The following ZNF215 variants were observed in gnomAD, a reference collection of about 807,000 sequenced individuals.
ZNF215 encodes the protein zinc finger protein 215.
Under a neutral mutation model 27.2 loss-of-function variants are expected in ZNF215, and 24 were observed. The observed-to-expected ratio is 0.88, with a 90% CI of 0.64 to 1.24. ZNF215 has a LOEUF of 1.24. ZNF215 is among the 50% of genes most tolerant of loss of function. The pLI is 0.00. For missense variants in ZNF215, 675 were observed against 605.7 expected, an observed-to-expected ratio of 1.11 and a Z score of -1.20; for synonymous variants, 210 against 204.0, an observed-to-expected ratio of 1.03 and a Z score of -0.25.
intron 6 of ZNF215, among the ~76,000 whole-genome samples, chr11:6,950,835 T>C (rs1850026004): frequency 6.7e-6 from 1 of 149,686 alleles, no homozygotes; most frequent in East Asian, 1.9e-4. Flanking sequence ...ATGCTTCCAG[T>C]TTTTGTCCAT....
At chr11:6,982,745 C>G (rs936305661) in intron 5 of ZNF215, among the ~76,000 whole-genome samples, 3 of 151,828 alleles carry the variant, frequency 2.0e-5, no homozygotes, top group Non-Finnish European at 4.4e-5. Context: ...ATCTCTGGGA[C>G]ACATTCAAAG....
downstream of ZNF215, among the ~76,000 whole-genome samples, chr11:6,993,531 CACTT>C (rs541706871): frequency 3.3e-3 from 505 of 152,244 alleles, 5 homozygotes; most frequent in African/African-American, 0.011. Flanking sequence ...TACCCCCTCT[CACTT>C]ACCCTTCCAT....
At chr11:6,985,996 A>G (rs1851049479), downstream of ZNF215, among the ~76,000 whole-genome samples, 2 of 152,266 alleles carry the variant, frequency 1.3e-5, no homozygotes, top group African/African-American at 4.8e-5. Context: ...TAAACTATCA[A>G]CATAATTTTT....
At chr11:6,936,707 C>T (rs10839661) in intron 3 of ZNF215, among the ~76,000 whole-genome samples, 49,551 of 151,664 alleles carry the variant, frequency 0.33, 9,449 homozygotes, top group East Asian at 0.56. Context: ...AATCCAATAG[C>T]GTTTTAAGAG....
chr11:6,932,246 ACTACTGTGGGAGTTCTAT>A lies in ZNF215; in HGVS notation c.-26_-9del. 1.9e-6 allele frequency: 3 copies of A among 1,600,312 alleles called. No individual in the cohort carries two copies. In the South Asian group the frequency reaches 3.4e-5, roughly 18 times the overall value. On this transcript the variant is annotated 5_prime_UTR_variant, in exon 3 of 7. Coordinates refer to ENST00000278319, the MANE Select transcript of ZNF215 (RefSeq NM_013250.4). ...CTGCAATCTAGTAAGGCGGATTTGA[ACTACTGTGGGAGTTCTAT>A]TTAGGAAGATGCAGCCTCTGAGCAA...
intron 3 of ZNF215, among the ~76,000 whole-genome samples, chr11:6,935,467 A>G (rs1849401106): frequency 6.6e-6 from 1 of 152,218 alleles, no homozygotes; most frequent in Non-Finnish European, 1.5e-5. Flanking sequence ...AGCTGAGGGA[A>G]CAGATTCATG....
intron 3 of ZNF215, among the ~76,000 whole-genome samples, chr11:6,934,197 G>A (rs553075890): frequency 6.6e-6 from 1 of 152,294 alleles, no homozygotes; most frequent in South Asian, 2.1e-4. Context: ...AACCAGAAAA[G>A]ATTGGTATCT....
chr11:6,974,265 G>T (rs1159391482), intron 5 of ZNF215, among the ~76,000 whole-genome samples: 2 of 151,998 alleles, frequency 1.3e-5, no homozygotes, highest in East Asian at 3.9e-4. Flanking sequence ...TCCCTGTTTT[G>T]GTACCAGTAC....
Position 6,970,204 on chromosome 11 carries a change from C to G in ZNF215, c.806-13925C>G, listed in dbSNP as rs139076368. 9.7e-4 allele frequency among the ~76,000 whole-genome samples: 147 copies of G among 152,246 alleles called. 2 individuals carry two copies. The highest frequency in any genetic ancestry group is 9.4e-3 in the Admixed American group (143 of 15,288). On this transcript the variant is annotated intron_variant, in intron 5 of 5. Transcript: ENST00000529903. ...GAAAAACATGGAAATACGAATAATA[C>G]AAGATGCTGATAACACTACAAAATG...
At chr11:6,992,950 C>T (rs957527297), downstream of ZNF215, among the ~76,000 whole-genome samples, 8 of 152,156 alleles carry the variant, frequency 5.3e-5, no homozygotes, top group African/African-American at 1.9e-4. Context: ...GTAATGCTTG[C>T]AAGGATAAAC....
intron 5 of ZNF215, among the ~76,000 whole-genome samples, chr11:6,979,450 T>C (rs1850904240): frequency 6.6e-6 from 1 of 152,088 alleles, no homozygotes; most frequent in Non-Finnish European, 1.5e-5. Flanking sequence ...CACTGCGTTT[T>C]TTCTGTTACT....
downstream of ZNF215, among the ~76,000 whole-genome samples, chr11:6,959,248 G>A (rs922068286): frequency 6.6e-6 from 1 of 152,130 alleles, no homozygotes; most frequent in East Asian, 1.9e-4. Flanking sequence ...AGGGATGAGG[G>A]CATGGCAAGT....
At chr11:6,976,052 AT>A (rs1850828375) in intron 5 of ZNF215, among the ~76,000 whole-genome samples, 1 of 152,172 alleles carries the variant, frequency 6.6e-6, no homozygotes, top group Admixed American at 6.6e-5. Context: ...CTGGGGTGAA[AT>A]GATATGTCAT....
At chr11:6,947,376 C>A (rs1448486434) in intron 6 of ZNF215, among the ~76,000 whole-genome samples, 2 of 152,008 alleles carry the variant, frequency 1.3e-5, no homozygotes, top group African/African-American at 2.4e-5. Context: ...AGACTGGGCA[C>A]CATGGCAAGA....
intron 6 of ZNF215, 64 bp from the exon 7 acceptor site, chr11:6,955,626 C>A: frequency 6.6e-7 from 1 of 1,509,984 alleles, no homozygotes; most frequent in South Asian, 1.4e-5. Context: ...TTATACAGTT[C>A]AGCCTCCATT....
intron 5 of ZNF215, among the ~76,000 whole-genome samples, chr11:6,968,778 A>ATCACCTGAGCCCAGGAGGT (rs1850671826): frequency 6.6e-6 from 1 of 152,028 alleles, no homozygotes; most frequent in African/African-American, 2.4e-5. Flanking sequence ...AGGTGGGAGG[A>ATCACCTGAGCCCAGGAGGT]TCACCTGAGC....
chr11:6,929,072 C>T lies in ZNF215; in HGVS notation c.-180+1265C>T, dbSNP rs74050231. ...AGGGCAACTGGAAGCAATTTTCTATCCCGCGAGACCCAGGAATAGCCCATG... is the reference window on the plus strand; with the variant it reads ...AGGGCAACTGGAAGCAATTTTCTATTCCGCGAGACCCAGGAATAGCCCATG... On this transcript the variant is annotated intron_variant, in intron 2 of 6. Transcript: ENST00000278319. 3.5e-3 allele frequency among the ~76,000 whole-genome samples: 537 copies of T among 152,262 alleles called. 7 individuals are homozygous for T. The highest frequency in any genetic ancestry group is 0.012 in the African/African-American group (509 of 41,540).
chr11:6,959,840 G>A (rs980090211), downstream of ZNF215, among the ~76,000 whole-genome samples: 1 of 152,148 alleles, frequency 6.6e-6, no homozygotes, highest in African/African-American at 2.4e-5. Context: ...TGTGATACTA[G>A]TCTATTCACA....
intron 5 of ZNF215, among the ~76,000 whole-genome samples, chr11:6,966,467 C>G (rs943268618): frequency 3.3e-5 from 5 of 151,514 alleles, no homozygotes; most frequent in Admixed American, 2.0e-4. Flanking sequence ...ACATATCCCC[C>G]CCAAACTAAA....
Sources: gnomAD v4.1 joint callset for allele counts (sites outside exome capture counted in the v4.1 genomes callset) on GRCh38, gnomAD v4.1.1 for gene constraint, MANE v1.5 for transcripts, NCBI Gene and HGNC (gene_info 2026-07-23, HGNC 2026-07-21) for gene names.